EHMT2: variants seen among roughly 807,000 people sequenced by gnomAD.
EHMT2 encodes the protein euchromatic histone lysine methyltransferase 2, also known as histone-lysine N-methyltransferase EHMT2.
In EHMT2, 59 loss-of-function variants were observed where a neutral mutation model predicts 143.3. That is an observed-to-expected ratio of 0.41 (90% CI 0.33 to 0.51). The LOEUF (loss-of-function observed/expected upper bound fraction) is 0.51. Ranked by LOEUF, EHMT2 falls within the 20% of genes least tolerant of loss-of-function variation. EHMT2 has a pLI of 0.18. For missense variants in EHMT2, 1,174 were observed against 1,645.9 expected (o/e 0.71, Z 4.96); for synonymous variants, 604 against 651.5 (o/e 0.93, Z 1.11).
chr6:31,886,278 CTG>C (rs1764832567), intron 18 of EHMT2: 1 of 421,532 alleles, frequency 2.4e-6, no homozygotes, highest in East Asian at 3.9e-5. Context: ...AATTCAAAGA[CTG>C]AGAAGAATGC....
In EHMT2 at chr6:31,895,526, T is replaced by C. The variant is rs375407218; in HGVS notation, c.582+737A>G. On this transcript the variant is annotated intron_variant, in intron 4 of 27. Coordinates refer to ENST00000375537, the Ensembl canonical transcript of EHMT2. ...AAACCTACTTGTGGGCTGGTTGTGG[T>C]GGCTTGCACCTGTAATCCCAGCACT... 8 of 152,118 alleles carry C rather than the reference T, an allele frequency of 5.3e-5. No individual in the cohort carries two copies. The East Asian group carries it at 1.3e-3, about 26-fold the overall frequency. 9.4% of individuals were successfully genotyped at this position (152,118 alleles called of 1,614,324 possible).
chr6:31,892,094 T>C (rs1765763709), intron 7 of EHMT2, among the ~76,000 whole-genome samples: 1 of 151,974 alleles, frequency 6.6e-6, no homozygotes, highest in Non-Finnish European at 1.5e-5. Flanking sequence ...ATACAAAAAT[T>C]AGCCGGGCGT....
At chr6:31,896,191 C>A (rs1352864588) in intron 4 of EHMT2, 72 bp downstream of exon 4, 1 of 1,534,086 alleles carries the variant, frequency 6.5e-7, no homozygotes, top group Non-Finnish European at 8.8e-7. Flanking sequence ...GGAGTAGAAG[C>A]CTTAAGTGAA....
chr6:31,887,931 C>T, exon 14 of EHMT2: 1 of 1,600,754 alleles, frequency 6.2e-7, no homozygotes, highest in Non-Finnish European at 8.5e-7. Flanking sequence ...AGGGCGGGCG[C>T]CGGGGTTCCC....
At position 31,883,687 on chromosome 6, in the gene EHMT2, CA is replaced by C; in HGVS notation, c.2916+118del. On this transcript the variant is annotated intron_variant, in intron 22 of 27. Transcript: ENST00000375537. The surrounding 1 kb of genome is among the most constrained non-coding windows in gnomAD (Gnocchi z 5.6). The stretch of plus-strand genomic sequence containing the variant: ...CCCTGGTGGGGATGCGACCCCACAC[CA>C]GGGCTCCCTTTCAGCCAACCCTTCC... 7.0e-7 allele frequency: 1 copy of C among 1,419,984 alleles called. No individual in the cohort carries two copies. The highest frequency in any genetic ancestry group is 9.7e-7 in the Non-Finnish European group (1 of 1,032,414). 88.0% of individuals were successfully genotyped at this position (1,419,984 alleles called of 1,614,324 possible). A position where few individuals can be genotyped will look rare whatever the true frequency, so the allele number is the denominator to read the frequency against.
exon 7 of EHMT2, chr6:31,892,516 G>A (rs748036999): frequency 8.7e-6 from 14 of 1,612,854 alleles, no homozygotes; most frequent in Admixed American, 1.7e-5. Context: ...GTCCCCTTTC[G>A]TCAGGGTCAC....
chr6:31,886,964 G>T, intron 16 of EHMT2, 31 bp downstream of exon 16: 1 of 1,613,700 alleles, frequency 6.2e-7, no homozygotes, highest in South Asian at 1.1e-5. Context: ...AGGGCCTGGT[G>T]AATGAGGCAT....
At chr6:31,890,811 G>A (rs1452652514) in intron 7 of EHMT2, among the ~76,000 whole-genome samples, 2 of 150,410 alleles carry the variant, frequency 1.3e-5, no homozygotes, top group Non-Finnish European at 3.0e-5. Context: ...CTTGCAGTGA[G>A]CCAAGATCAC....
At position 31,884,046 on chromosome 6, in the gene EHMT2, G is replaced by T; in HGVS notation, c.2772-96C>A. On this transcript the variant is annotated intron_variant, in intron 21 of 27. Transcript: ENST00000375537. The surrounding 1 kb of genome is among the most constrained non-coding windows in gnomAD (Gnocchi z 7.3). ...GAGAGTTGGGGAGGTTCCTGGGGCT[G>T]GGGGCAGGGGAGTAAGGTTGCCAGG... is the stretch of plus-strand genomic sequence containing the variant. 1.4e-6 allele frequency: 2 copies of T among 1,403,800 alleles called. No individual in the cohort carries two copies. Among genetic ancestry groups the T allele is most frequent in the South Asian group, 1.3e-5 (1 of 76,302 alleles). 87.0% of individuals were successfully genotyped at this position (1,403,800 alleles called of 1,614,324 possible).
At position 31,880,101 on chromosome 6, in the gene EHMT2, G is replaced by A. The variant is rs757151937; in HGVS notation, c.3616C>T (p.Pro1206Ser). The A allele has an allele frequency of 1.2e-6, 2 of 1,612,648 alleles. No individual in the cohort carries two copies. Among genetic ancestry groups the A allele is most frequent in the Admixed American group, 1.7e-5 (1 of 60,000 alleles). Residue 1206 changes from proline to serine, a missense_variant, in exon 28 of 28, where the codon CCC (proline) becomes TCC (serine). By Grantham distance (74) the Pro-to-Ser change is moderately conservative. Coordinates refer to ENST00000375537, the Ensembl canonical transcript of EHMT2. This position sits in a 1 kb window ranked among gnomAD's most constrained non-coding sequence, Gnocchi z 6.6. Reference sequence around the variant, plus strand: ...GTCCGTTCTCATGTGTTGACAGGGGGCAGGGAGCCGAGCTCGGGCAGCAGC... The same window carrying A: ...GTCCGTTCTCATGTGTTGACAGGGGACAGGGAGCCGAGCTCGGGCAGCAGC...
chr6:31,883,380 G>T lies in EHMT2; in HGVS notation c.2976C>A (p.Ile992=). Residue 992 remains isoleucine, a synonymous_variant, in exon 23 of 28, where the codon ATC becomes ATA. Coordinates refer to ENST00000375537, the Ensembl canonical transcript of EHMT2. The surrounding 1 kb of genome is among the most constrained non-coding windows in gnomAD (Gnocchi z 5.6). ...CACGCACCTTGTCATACCAGCACCG[G>T]ATGCTGAGCTGGCCGCACAGGCAGT... is the stretch of plus-strand genomic sequence containing the variant. The T allele has an allele frequency of 1.9e-6, 3 of 1,612,982 alleles. No homozygotes were observed. Among genetic ancestry groups the T allele is most frequent in the Non-Finnish European group, 2.5e-6 (3 of 1,179,986 alleles).
At chr6:31,890,411 C>G (rs1765532819) in intron 7 of EHMT2, among the ~76,000 whole-genome samples, 1 of 151,958 alleles carries the variant, frequency 6.6e-6, no homozygotes, top group African/African-American at 2.4e-5. Flanking sequence ...CACCCGCCAC[C>G]ACACCCAGCT....
exon 14 of EHMT2, chr6:31,887,945 G>A (rs1562493292): frequency 6.3e-7 from 1 of 1,597,258 alleles, no homozygotes. Flanking sequence ...GGTTCCCCAT[G>A]CCCTCGCATC....
chr6:31,897,043 G>A (rs1205920584), intron 1 of EHMT2, 54 bp from the exon 2 acceptor site: 2 of 1,517,966 alleles, frequency 1.3e-6, no homozygotes, highest in South Asian at 2.7e-5. Flanking sequence ...GAGAGTTGGG[G>A]GGTCCAGGAT....
chr6:31,889,484 C>T lies in EHMT2; in HGVS notation c.983G>A (p.Gly328Glu), dbSNP rs1363144857. The change falls in exon 8 of 28, where the codon GGG becomes GAG. Residue 328 changes from glycine to glutamate, a missense_variant. By Grantham distance (98) the Gly-to-Glu change is moderately conservative. Coordinates refer to ENST00000375537, the Ensembl canonical transcript of EHMT2. This position sits in a 1 kb window ranked among gnomAD's most constrained non-coding sequence, Gnocchi z 5.1. ...GTCTCTTACCCTATCTGACTGATTC[C>T]CTGACTCCTCATCTTCCTCTTCTTC... The T allele has an allele frequency of 2.5e-6, 4 of 1,612,826 alleles. No homozygotes were observed. Among genetic ancestry groups the T allele is most frequent in the African/African-American group, 2.7e-5 (2 of 75,038 alleles).
At position 31,881,427 on chromosome 6, in the gene EHMT2, C is replaced by T. The variant is rs910849467; in HGVS notation, c.3198-335G>A. 2.2e-6 allele frequency: 1 copy of T among 446,268 alleles called. No homozygotes were observed. The highest frequency in any genetic ancestry group is 2.0e-5 in the African/African-American group (1 of 50,438). The allele number at this position is 446,268 out of a possible 1,614,324, so 27.6% of individuals were successfully genotyped here. On this transcript the variant is annotated intron_variant, in intron 25 of 27. Transcript: ENST00000375537. This position sits in a 1 kb window ranked among gnomAD's most constrained non-coding sequence, Gnocchi z 4.8. ...CCCGGCAGGAATGGGCGATATGGAA[C>T]AGGAGAGGGGCCAGGACTGCAGGAA...
chr6:31,897,147 G>C (rs1766633214), intron 1 of EHMT2, 158 bp from the exon 2 acceptor site: 4 of 1,363,602 alleles, frequency 2.9e-6, no homozygotes, highest in Non-Finnish European at 3.8e-6. Context: ...CGGAGGGGCC[G>C]CACGACCCCT....
At chr6:31,894,027 T>C (rs1472303855) in intron 4 of EHMT2, among the ~76,000 whole-genome samples, 2 of 152,154 alleles carry the variant, frequency 1.3e-5, no homozygotes, top group African/African-American at 4.8e-5. Context: ...CAAGCTGGAG[T>C]GCAGTGGCGC....
intron 18 of EHMT2, chr6:31,886,360 T>C (rs1764842889): frequency 1.8e-6 from 1 of 569,462 alleles, no homozygotes; most frequent in African/African-American, 1.9e-5. Flanking sequence ...CTGGACACTT[T>C]CAGAGATTAA....
Sources: gnomAD v4.1 joint callset for allele counts (sites outside exome capture counted in the v4.1 genomes callset) on GRCh38, gnomAD v4.1.1 for gene constraint, Gnocchi (gnomAD v3.1) non-coding constraint, MANE v1.5 for transcripts, NCBI Gene and HGNC (gene_info 2026-07-23, HGNC 2026-07-21) for gene names.